Variants in LRRC69 observed in about 807,000 individuals in gnomAD.
LRRC69 encodes leucine-rich repeat-containing protein 69.
LRRC69 carries 42 observed loss-of-function variants against 37.8 expected under a neutral mutation model. The ratio of observed to expected loss-of-function variants is 1.11; its 90% CI spans 0.87 to 1.44. The LOEUF (loss-of-function observed/expected upper bound fraction) is 1.44. Among genes scored for constraint, LRRC69 ranks in the 40% most tolerant of loss-of-function variants. LRRC69 has a pLI of 0.00. For synonymous variants in LRRC69, 141 were observed against 143.1 expected (o/e 0.99, Z 0.11); for missense variants, 357 against 401.9 (o/e 0.89, Z 0.96).
intron 5 of LRRC69, among the ~76,000 whole-genome samples, chr8:91,175,195 C>T (rs983342254): frequency 2.6e-5 from 4 of 151,912 alleles, no homozygotes; most frequent in African/African-American, 9.7e-5. Flanking sequence ...GGGACTCAAA[C>T]AGGAGATACG....
intron 6 of LRRC69, among the ~76,000 whole-genome samples, chr8:91,190,291 A>G (rs1809472875): frequency 6.6e-6 from 1 of 151,066 alleles, no homozygotes; most frequent in African/African-American, 2.4e-5. Flanking sequence ...TAATTAAATT[A>G]TTGTATGAAT....
chr8:91,153,783 C>G (rs537459749), intron 5 of LRRC69, among the ~76,000 whole-genome samples: 2 of 151,890 alleles, frequency 1.3e-5, no homozygotes, highest in East Asian at 1.9e-4. Context: ...AATTGACACC[C>G]TAACATCACA....
chr8:91,188,693 G>A (rs993838680), intron 5 of LRRC69, among the ~76,000 whole-genome samples: 4 of 152,114 alleles, frequency 2.6e-5, no homozygotes, highest in African/African-American at 9.7e-5. Context: ...AAGAGAGTAA[G>A]ACATTGTCTT....
chr8:91,156,491 G>A (rs908362328), intron 5 of LRRC69, among the ~76,000 whole-genome samples: 3 of 150,866 alleles, frequency 2.0e-5, no homozygotes, highest in Non-Finnish European at 3.0e-5. Context: ...TAGGATGAAT[G>A]GCTTGGAAAT....
chr8:91,196,129 T>G (rs1053340062), intron 6 of LRRC69, among the ~76,000 whole-genome samples: 2 of 151,690 alleles, frequency 1.3e-5, no homozygotes, highest in African/African-American at 4.8e-5. Context: ...GATATGAAAT[T>G]CTGGGTTGAA....
At chr8:91,210,562 G>GACACACACACACACACACAC (rs35968986) in intron 7 of LRRC69, among the ~76,000 whole-genome samples, 18 of 146,198 alleles carry the variant, frequency 1.2e-4, no homozygotes, top group Middle Eastern at 3.5e-3. Context: ...CACACACACA[G>GACACACACACACACACACAC]ACACACACAC....
At chr8:91,169,987 T>G (rs1809099065) in intron 5 of LRRC69, among the ~76,000 whole-genome samples, 2 of 98,956 alleles carry the variant, frequency 2.0e-5, no homozygotes, top group Admixed American at 1.8e-4. Flanking sequence ...TAAACATACG[T>G]GTGCATGTGT....
At chr8:91,209,010 C>G (rs1253076503) in intron 7 of LRRC69, among the ~76,000 whole-genome samples, 1 of 152,126 alleles carries the variant, frequency 6.6e-6, no homozygotes, top group Non-Finnish European at 1.5e-5. Flanking sequence ...AATGAGCTGA[C>G]TAAAGACACC....
At chr8:91,164,987 C>T (rs1809003304) in intron 5 of LRRC69, among the ~76,000 whole-genome samples, 1 of 151,640 alleles carries the variant, frequency 6.6e-6, no homozygotes, top group African/African-American at 2.4e-5. Flanking sequence ...TGCTACATAC[C>T]TCCCTAACTC....
intron 5 of LRRC69, among the ~76,000 whole-genome samples, chr8:91,161,365 G>A (rs71528784): frequency 0.052 from 7,943 of 151,302 alleles, 296 homozygotes; most frequent in Middle Eastern, 0.16. Context: ...TGAGAAAAGT[G>A]GATGTTAGTT....
chr8:91,129,671 G>A (rs1382922743), intron 3 of LRRC69, among the ~76,000 whole-genome samples: 2 of 151,822 alleles, frequency 1.3e-5, no homozygotes, highest in African/African-American at 2.4e-5. Flanking sequence ...GTCCTTCTTT[G>A]ACCCTTTATA....
At chr8:91,144,768 A>T (rs913539861) in intron 5 of LRRC69, among the ~76,000 whole-genome samples, 1 of 152,060 alleles carries the variant, frequency 6.6e-6, no homozygotes, top group Non-Finnish European at 1.5e-5. Flanking sequence ...CATGGTACAT[A>T]CCCTGGTTTA....
Position 91,120,083 on chromosome 8 carries a change from C to T in LRRC69, c.184-4410C>T, listed in dbSNP as rs1040575165. 2.0e-5 allele frequency among the ~76,000 whole-genome samples: 3 copies of T among 151,966 alleles called. No individual in the cohort carries two copies. In the South Asian group the frequency reaches 6.2e-4, roughly 32 times the overall value. ...TTCATTTTCTAGTTTCCCTTCATAG[C>T]AAAAGTTCTTACAAGAATTGTCTAT... is the stretch of plus-strand genomic sequence containing the variant. On this transcript the variant is annotated intron_variant, in intron 1 of 7. Transcript: ENST00000448384.
At chr8:91,145,203 A>T (rs576330515) in intron 5 of LRRC69, among the ~76,000 whole-genome samples, 2 of 152,076 alleles carry the variant, frequency 1.3e-5, no homozygotes, top group East Asian at 3.9e-4. Context: ...AACTTTTGAA[A>T]CTCTTTTGCA....
intron 5 of LRRC69, among the ~76,000 whole-genome samples, chr8:91,154,147 C>A (rs4612302): frequency 0.46 from 70,123 of 151,322 alleles, 17,909 homozygotes; most frequent in South Asian, 0.65. Context: ...CACATACACC[C>A]TCCCAAGACT....
chr8:91,208,315 T>C (rs1472167632), intron 7 of LRRC69, among the ~76,000 whole-genome samples: 1 of 152,040 alleles, frequency 6.6e-6, no homozygotes, highest in Non-Finnish European at 1.5e-5. Flanking sequence ...TTTATATAAG[T>C]GAGACACTCG....
chr8:91,158,220 T>C, intron 5 of LRRC69: 1 of 1,597,648 alleles, frequency 6.3e-7, no homozygotes, highest in Non-Finnish European at 8.6e-7. Context: ...TATTCAACTG[T>C]GGATCAAGTT....
chr8:91,193,128 T>TC (rs1465597343), intron 6 of LRRC69, among the ~76,000 whole-genome samples: 1 of 134,808 alleles, frequency 7.4e-6, no homozygotes, highest in Non-Finnish European at 1.6e-5. Context: ...TGCTTGTTTT[T>TC]CTCAGGTTTG....
At chr8:91,124,221 A>C (rs1010754067) in intron 1 of LRRC69, among the ~76,000 whole-genome samples, 1 of 152,030 alleles carries the variant, frequency 6.6e-6, no homozygotes, top group Admixed American at 6.6e-5. Flanking sequence ...TTGTGGTTTT[A>C]CATATCCTTG....
Sources: gnomAD v4.1 joint callset for allele counts (sites outside exome capture counted in the v4.1 genomes callset) on GRCh38, gnomAD v4.1.1 for gene constraint, MANE v1.5 for transcripts, NCBI Gene and HGNC (gene_info 2026-07-23, HGNC 2026-07-21) for gene names.